The following OCA2 variants were observed in gnomAD, a reference collection of about 807,000 sequenced individuals.
The protein encoded by OCA2 is OCA2 melanosomal transmembrane protein, also known as P protein.
In OCA2, 77 loss-of-function variants were observed where a neutral mutation model predicts 100.2. The ratio of observed to expected loss-of-function variants is 0.77; its 90% CI spans 0.64 to 0.93. The LOEUF is 0.93. Ranked by LOEUF, OCA2 falls within the 40% of genes least tolerant of loss-of-function variation. The pLI, the probability that OCA2 is intolerant of heterozygous loss-of-function variation, is 0.00. For synonymous variants in OCA2, 432 were observed against 439.2 expected (o/e 0.98, Z 0.21); for missense variants, 1,062 against 1,089.1 (o/e 0.98, Z 0.35).
chr15:27,897,552 G>A (rs2037757581), intron 19 of OCA2, among the ~76,000 whole-genome samples: 1 of 152,232 alleles, frequency 6.6e-6, no homozygotes, highest in African/African-American at 2.4e-5. Context: ...ATTGAGGTTT[G>A]GAACCCTCCA....
intron 19 of OCA2, among the ~76,000 whole-genome samples, chr15:27,919,462 C>G (rs916939228): frequency 1.6e-4 from 24 of 151,914 alleles, no homozygotes; most frequent in African/African-American, 5.8e-4. Flanking sequence ...AGCTGTTAAG[C>G]CATGAAAAGA....
chr15:28,075,105 T>C (rs1255908355), intron 2 of OCA2, among the ~76,000 whole-genome samples: 2 of 152,162 alleles, frequency 1.3e-5, no homozygotes, highest in African/African-American at 4.8e-5. Context: ...TGATCTTGGG[T>C]TAAGCAAAGA....
chr15:27,994,659 G>C (rs1395994024), intron 9 of OCA2, among the ~76,000 whole-genome samples: 1 of 152,226 alleles, frequency 6.6e-6, no homozygotes, highest in Non-Finnish European at 1.5e-5. Flanking sequence ...TTTCTTCAGT[G>C]CTCTGCAGCG....
At chr15:27,809,197 A>G in intron 23 of OCA2, among the ~76,000 whole-genome samples, 1 of 152,168 alleles carries the variant, frequency 6.6e-6, no homozygotes, top group East Asian at 1.9e-4. Context: ...GCTGAAGCTT[A>G]CCGTTTGGGG....
At chr15:27,893,841 T>C (rs922467505) in intron 19 of OCA2, among the ~76,000 whole-genome samples, 1 of 152,208 alleles carries the variant, frequency 6.6e-6, no homozygotes, top group East Asian at 1.9e-4. Context: ...CTTTGCTTTA[T>C]GATCTTTGTT....
At chr15:27,830,350 T>A (rs914722584) in intron 23 of OCA2, among the ~76,000 whole-genome samples, 1 of 152,216 alleles carries the variant, frequency 6.6e-6, no homozygotes, top group African/African-American at 2.4e-5. Flanking sequence ...GCTGCATCCA[T>A]GTCGCACCAT....
chr15:28,067,800 A>G (rs1426572183), intron 2 of OCA2, among the ~76,000 whole-genome samples: 1 of 152,222 alleles, frequency 6.6e-6, no homozygotes, highest in African/African-American at 2.4e-5. Flanking sequence ...GATGGGAAGA[A>G]TGTATGTTCT....
chr15:27,915,214 A>G (rs1167766252), intron 19 of OCA2, among the ~76,000 whole-genome samples: 1 of 152,198 alleles, frequency 6.6e-6, no homozygotes, highest in Non-Finnish European at 1.5e-5. Context: ...TCAACTCAAG[A>G]TGGATCAAAG....
At chr15:27,927,587 A>T (rs748018587) in intron 18 of OCA2, among the ~76,000 whole-genome samples, 15 of 152,198 alleles carry the variant, frequency 9.9e-5, no homozygotes, top group Non-Finnish European at 1.6e-4. Flanking sequence ...TTTATGCTTT[A>T]GGAAACTGCA....
intron 1 of OCA2, among the ~76,000 whole-genome samples, chr15:28,084,799 T>G (rs1430584012): frequency 2.6e-5 from 4 of 152,190 alleles, no homozygotes; most frequent in Non-Finnish European, 5.9e-5. Flanking sequence ...AGAGGCCCCC[T>G]TCACCCCAAC....
At chr15:27,897,483 G>A (rs570922296) in intron 19 of OCA2, among the ~76,000 whole-genome samples, 1 of 152,360 alleles carries the variant, frequency 6.6e-6, no homozygotes, top group South Asian at 2.1e-4. Flanking sequence ...GACAGTGGAA[G>A]CCCCAAGCCT....
At chr15:27,729,507 G>A in the OCA2 span, among the ~76,000 whole-genome samples, 1 of 152,120 alleles carries the variant, frequency 6.6e-6, no homozygotes, top group African/African-American at 2.4e-5. Context: ...TACACTACCA[G>A]GCTCAAATCA....
intron 9 of OCA2, among the ~76,000 whole-genome samples, chr15:28,005,602 G>A (rs758488386): frequency 2.0e-5 from 3 of 151,978 alleles, no homozygotes; most frequent in African/African-American, 2.4e-5. Context: ...TCAAGCCCTC[G>A]CATCACACTT....
At chr15:27,746,770 T>G in the OCA2 span, among the ~76,000 whole-genome samples, 2 of 152,168 alleles carry the variant, frequency 1.3e-5, no homozygotes, top group Non-Finnish European at 2.9e-5. Context: ...CAGCATACCA[T>G]TTTTGGACAG....
chr15:28,007,954 G>A lies in OCA2; in HGVS notation c.1044+6822C>T, dbSNP rs2042135148. On this transcript the variant is annotated intron_variant, in intron 9 of 23. Transcript: ENST00000354638. ...CTGGGCACAAAGTCAGGGGTGGAAAGTGCCCCCCACGTAGGAGCCAAGTTA... is the reference window on the plus strand; with the variant it reads ...CTGGGCACAAAGTCAGGGGTGGAAAATGCCCCCCACGTAGGAGCCAAGTTA... Among the ~76,000 whole-genome samples the A allele has an allele frequency of 2.6e-5, 4 of 152,302 alleles. No individual in the cohort carries two copies. In the South Asian group the frequency reaches 8.3e-4, roughly 32 times the overall value.
chr15:28,066,870 T>C (rs1401586940), intron 2 of OCA2, among the ~76,000 whole-genome samples: 2 of 152,336 alleles, frequency 1.3e-5, no homozygotes, highest in East Asian at 3.9e-4. Context: ...TTCCTTTCTA[T>C]TGATTCCATG....
chr15:28,027,919 C>G lies in OCA2; in HGVS notation c.467G>C (p.Gly156Ala). ...GATGTGCGGGCTGTCCAGAAGGTCT[C>G]CCTTCTCGGAGGAGGCAGATGCAGA... ...GLSASASSEK[G>A]DLLDSPHIRL... Residue 156 changes from glycine to alanine, a missense_variant, in exon 4 of 24, where the codon GGA becomes GCA. Coordinates refer to ENST00000354638, the MANE Select transcript of OCA2 (RefSeq NM_000275.3). 2 of 1,614,048 alleles carry G rather than the reference C, an allele frequency of 1.2e-6. No individual in the cohort carries two copies. The highest frequency in any genetic ancestry group is 2.7e-5 in the African/African-American group (2 of 75,050).
chr15:28,074,264 C>A (rs1227582977), intron 2 of OCA2, among the ~76,000 whole-genome samples: 1 of 152,166 alleles, frequency 6.6e-6, no homozygotes, highest in Non-Finnish European at 1.5e-5. Context: ...GGGGGCCAGG[C>A]ACGGTAGCTC....
At chr15:27,962,448 G>A (rs114353841) in intron 15 of OCA2, among the ~76,000 whole-genome samples, 1,615 of 152,322 alleles carry the variant, frequency 0.011, 35 homozygotes, top group African/African-American at 0.038. Context: ...AGAAAGTGCC[G>A]TGTGGGATGT....
Sources: allele counts gnomAD v4.1 joint callset (sites outside exome capture counted in the v4.1 genomes callset), GRCh38; gene constraint gnomAD v4.1.1; transcripts MANE v1.5; gene names NCBI Gene and HGNC (gene_info 2026-07-23, HGNC 2026-07-21).